Variants in ATP1B3 observed in about 807,000 individuals in gnomAD.
ATP1B3 encodes the protein ATPase Na+/K+ transporting subunit beta 3.
In ATP1B3, 10 loss-of-function variants were observed where a neutral mutation model predicts 30.2. That is an observed-to-expected ratio of 0.33 (90% CI 0.20 to 0.56). The LOEUF is 0.56. Among genes scored for constraint, ATP1B3 ranks in the 20% least tolerant of loss-of-function variants. The pLI is 0.90. For missense variants in ATP1B3, 238 were observed against 336.7 expected, an observed-to-expected ratio of 0.71 and a Z score of 2.29; for synonymous variants, 113 against 117.0, an observed-to-expected ratio of 0.97 and a Z score of 0.22.
chr3:141,907,837 TAAG>T (rs1438168356), intron 3 of ATP1B3, among the ~76,000 whole-genome samples: 2 of 152,154 alleles, frequency 1.3e-5, no homozygotes, highest in Non-Finnish European at 2.9e-5. Flanking sequence ...TGTCTTATAA[TAAG>T]GACACTAAAT....
chr3:141,883,829 T>C (rs1933781299), intron 1 of ATP1B3, among the ~76,000 whole-genome samples: 1 of 152,232 alleles, frequency 6.6e-6, no homozygotes, highest in Non-Finnish European at 1.5e-5. Flanking sequence ...ATTTTCCTTT[T>C]TCTTTTGTTA....
In ATP1B3 at chr3:141,915,959, C is replaced by T. The variant is rs1934455362; in HGVS notation, c.532-11C>T. Reference sequence around the variant, plus strand: ...GTGAAGTTTAAATTTATCACTATTTCTTAACCTTAGATAATTGGATTAAAG... The same window carrying T: ...GTGAAGTTTAAATTTATCACTATTTTTTAACCTTAGATAATTGGATTAAAG... On this transcript the variant is annotated splice_polypyrimidine_tract_variant and intron_variant, in intron 4 of 6. Transcript: ENST00000286371. 1.3e-6 allele frequency: 2 copies of T among 1,596,102 alleles called. No individual in the cohort carries two copies. The highest frequency in any genetic ancestry group is 2.2e-5 in the East Asian group (1 of 44,574).
chr3:141,902,016 C>A (rs1576394917), intron 1 of ATP1B3: 1 of 712,964 alleles, frequency 1.4e-6, no homozygotes, highest in Non-Finnish European at 2.1e-6. Context: ...ACACCTAGAT[C>A]TCAAAGAATT....
At chr3:141,908,189 T>A (rs945962132) in intron 3 of ATP1B3, among the ~76,000 whole-genome samples, 1 of 152,080 alleles carries the variant, frequency 6.6e-6, no homozygotes, top group South Asian at 2.1e-4. Flanking sequence ...TTTAAAGTTA[T>A]GTCTGTGTCT....
chr3:141,888,870 G>A (rs192707475), intron 1 of ATP1B3, among the ~76,000 whole-genome samples: 2,717 of 152,100 alleles, frequency 0.018, 51 homozygotes, highest in Non-Finnish European at 0.025. Context: ...TGATTGTGAG[G>A]CCTCCCCAGC....
chr3:141,882,776 G>C (rs1391798252), intron 1 of ATP1B3, among the ~76,000 whole-genome samples: 1 of 152,066 alleles, frequency 6.6e-6, no homozygotes, highest in Non-Finnish European at 1.5e-5. Flanking sequence ...CTGAGATAGG[G>C]TTTTTTTCCA....
chr3:141,920,424 G>A (rs912322293), intron 5 of ATP1B3, among the ~76,000 whole-genome samples: 1 of 152,222 alleles, frequency 6.6e-6, no homozygotes, highest in East Asian at 1.9e-4. Context: ...CTATTCAGGA[G>A]GCTGAGACAG....
At chr3:141,910,765 C>G (rs1934343554) in intron 3 of ATP1B3, among the ~76,000 whole-genome samples, 1 of 137,908 alleles carries the variant, frequency 7.3e-6, no homozygotes, top group East Asian at 2.1e-4. Context: ...TGTTTCTTGG[C>G]TCTTGCCCTG....
intron 1 of ATP1B3, among the ~76,000 whole-genome samples, chr3:141,884,799 G>A (rs1933798185): frequency 6.6e-6 from 1 of 152,102 alleles, no homozygotes; most frequent in Non-Finnish European, 1.5e-5. Context: ...CATATTATTA[G>A]TTCTGTCCCT....
chr3:141,925,691 C>T lies in ATP1B3; in HGVS notation c.830C>T (p.Ala277Val). The T allele has an allele frequency of 6.2e-7, 1 of 1,611,024 alleles. No individual in the cohort carries two copies. Among genetic ancestry groups the T allele is most frequent in the East Asian group, 2.2e-5 (1 of 44,886 alleles). ...GGACGAGTTATGTTCAAAATCACAGCACGTGCATAGTATGAGTAGGATATC... is the reference window on the plus strand; with the variant it reads ...GGACGAGTTATGTTCAAAATCACAGTACGTGCATAGTATGAGTAGGATATC... ...FLGRVMFKIT[A>V]RA is the part of the protein sequence containing the mutation. Residue 277 changes from alanine to valine, a missense_variant, in exon 7 of 7, where the codon GCA (alanine) becomes GTA (valine). Coordinates refer to ENST00000286371, the MANE Select transcript of ATP1B3 (RefSeq NM_001679.4).
chr3:141,917,419 G>A (rs1207288869), intron 5 of ATP1B3, among the ~76,000 whole-genome samples: 1 of 151,958 alleles, frequency 6.6e-6, no homozygotes, highest in Non-Finnish European at 1.5e-5. Flanking sequence ...GAGTCAGCTG[G>A]GTGCAGTGGC....
At chr3:141,913,170 C>T (rs1460483604) in intron 3 of ATP1B3, among the ~76,000 whole-genome samples, 1 of 152,070 alleles carries the variant, frequency 6.6e-6, no homozygotes, top group Non-Finnish European at 1.5e-5. Flanking sequence ...CATTAACTCC[C>T]ACATACCCTT....
intron 3 of ATP1B3, among the ~76,000 whole-genome samples, chr3:141,913,212 T>C (rs1934395580): frequency 2.0e-5 from 3 of 151,992 alleles, no homozygotes; most frequent in Non-Finnish European, 2.9e-5. Context: ...TTTTTTTTTT[T>C]AGTGTAGGTT....
intron 5 of ATP1B3, chr3:141,916,712 C>A (rs951015741): frequency 1.2e-5 from 8 of 646,504 alleles, no homozygotes; most frequent in African/African-American, 7.7e-5. Context: ...AAAAAAAATT[C>A]TTTTTACTGT....
At chr3:141,925,221 C>G (rs1056944834) in intron 6 of ATP1B3, among the ~76,000 whole-genome samples, 4 of 152,026 alleles carry the variant, frequency 2.6e-5, no homozygotes, top group African/African-American at 4.8e-5. Flanking sequence ...AATCCCAGCA[C>G]TTTGGGAGGG....
chr3:141,923,160 C>T (rs958764218), intron 6 of ATP1B3, among the ~76,000 whole-genome samples: 1 of 151,882 alleles, frequency 6.6e-6, no homozygotes, highest in Non-Finnish European at 1.5e-5. Flanking sequence ...TGCATGTAAT[C>T]CCAGCTACTC....
chr3:141,925,484 TA>T, intron 6 of ATP1B3, 46 bp from the exon 7 acceptor site: 1 of 1,539,462 alleles, frequency 6.5e-7, no homozygotes, highest in Non-Finnish European at 8.7e-7. Flanking sequence ...AGAGAAGTAT[TA>T]AGTTTCCATA....
intron 1 of ATP1B3, among the ~76,000 whole-genome samples, chr3:141,898,580 G>T (rs1172327266): frequency 6.6e-6 from 1 of 152,200 alleles, no homozygotes; most frequent in Non-Finnish European, 1.5e-5. Flanking sequence ...TAGGATAGCT[G>T]TATGAAAACA....
chr3:141,898,415 A>G (rs903233220), intron 1 of ATP1B3, among the ~76,000 whole-genome samples: 1 of 152,246 alleles, frequency 6.6e-6, no homozygotes, highest in Non-Finnish European at 1.5e-5. Flanking sequence ...AAAAAGGCAG[A>G]TAACCAAATC....
Sources: gnomAD v4.1 joint callset for allele counts (sites outside exome capture counted in the v4.1 genomes callset) on GRCh38, gnomAD v4.1.1 for gene constraint, MANE v1.5 for transcripts, NCBI Gene and HGNC (gene_info 2026-07-23, HGNC 2026-07-21) for gene names.